BAZ1A: variants seen among roughly 807,000 people sequenced by gnomAD.
BAZ1A encodes bromodomain adjacent to zinc finger domain 1A.
BAZ1A carries 50 observed loss-of-function variants against 185.2 expected under a neutral mutation model. The ratio of observed to expected loss-of-function variants is 0.27; its 90% CI spans 0.22 to 0.34. The LOEUF (loss-of-function observed/expected upper bound fraction) is 0.34, where lower values mean the gene tolerates loss of function less well. Ranked by LOEUF, BAZ1A falls within the 10% of genes least tolerant of loss-of-function variation. The pLI is 1.00. For missense variants in BAZ1A, 1,356 were observed against 1,839.9 expected, an observed-to-expected ratio of 0.74 and a Z score of 4.81; for synonymous variants, 571 against 615.6, an observed-to-expected ratio of 0.93 and a Z score of 1.07.
chr14:34,857,535 TC>T (rs918647622), intron 3 of BAZ1A, among the ~76,000 whole-genome samples: 4 of 152,160 alleles, frequency 2.6e-5, no homozygotes, highest in Non-Finnish European at 5.9e-5. Flanking sequence ...ATTTCTCCTT[TC>T]CCACACATTC....
intron 9 of BAZ1A, among the ~76,000 whole-genome samples, chr14:34,799,784 G>A (rs1319164017): frequency 1.3e-5 from 2 of 151,990 alleles, no homozygotes; most frequent in African/African-American, 2.4e-5. Flanking sequence ...GCTAAGTTTT[G>A]TATTTTTAGT....
chr14:34,783,860 A>G lies in BAZ1A; in HGVS notation c.1899T>C (p.Phe633=). 4 of 1,613,558 alleles carry G rather than the reference A, an allele frequency of 2.5e-6. No individual in the cohort carries two copies. The highest frequency in any genetic ancestry group is 3.4e-6 in the Non-Finnish European group (4 of 1,179,832). The change falls in exon 15 of 27, where the codon TTT becomes TTC. Residue 633 remains phenylalanine (F), a synonymous_variant. Transcript: ENST00000360310. The part of the protein sequence containing the change: ...KLLTLVSTRD[F]IEDYVDILRQ... ...GTAATATATCAACATAATCTTCAATAAAATCCCTAGTTGAAACTAGGGTCA... is the reference window on the plus strand; with the variant it reads ...GTAATATATCAACATAATCTTCAATGAAATCCCTAGTTGAAACTAGGGTCA...
In BAZ1A at chr14:34,874,727, G is replaced by A; in HGVS notation, c.-58-65C>T. On this transcript the variant is annotated intron_variant, in intron 1 of 26. Coordinates refer to ENST00000360310, the MANE Select transcript of BAZ1A (RefSeq NM_013448.3). The surrounding 1 kb of genome is among the most constrained non-coding windows in gnomAD (Gnocchi z 4.7). ...GAGCCCTCGGCGGCAGCGTGGGCCG[G>A]TCCGCGCGCTGGGAGAAGCTCGGCT... is the stretch of plus-strand genomic sequence containing the variant. 1 of 718,662 alleles carries A rather than the reference G, an allele frequency of 1.4e-6. No homozygotes were observed. Among genetic ancestry groups the A allele is most frequent in the Non-Finnish European group, 2.2e-6 (1 of 459,140 alleles). 44.5% of individuals were successfully genotyped at this position (718,662 alleles called of 1,614,324 possible). A position where few individuals can be genotyped will look rare whatever the true frequency, so the allele number is the denominator to read the frequency against.
intron 18 of BAZ1A, 46 bp from the exon 19 acceptor site, chr14:34,774,536 A>ACT: frequency 2.1e-6 from 3 of 1,463,154 alleles, no homozygotes; most frequent in Non-Finnish European, 2.8e-6. Flanking sequence ...CTTATTAAAA[A>ACT]CTACAATTAC....
rs1000522578 is a variant in BAZ1A, at chr14:34,864,466, A to G, written c.114-2144T>C. 5.3e-5 allele frequency among the ~76,000 whole-genome samples: 8 copies of G among 150,346 alleles called. No individual in the cohort carries two copies. In the East Asian group the frequency reaches 1.4e-3, roughly 26 times the overall value. ...TCCTGTTTAAATTTTTTTAATGAGC[A>G]TTACTCATATATCATTTTGCAATAA... On this transcript the variant is annotated intron_variant, in intron 2 of 26. Transcript: ENST00000360310.
intron 20 of BAZ1A, 69 bp downstream of exon 20, chr14:34,773,503 C>CAAAAAA: frequency 8.7e-7 from 1 of 1,148,886 alleles, no homozygotes; most frequent in Non-Finnish European, 1.2e-6. Context: ...ACTTAAAAAC[C>CAAAAAA]AAAAAAAAAA....
intron 24 of BAZ1A, among the ~76,000 whole-genome samples, chr14:34,759,761 G>A (rs1886444828): frequency 6.6e-6 from 1 of 152,028 alleles, no homozygotes; most frequent in South Asian, 2.1e-4. Flanking sequence ...TGCAACTTCT[G>A]CCTCCTGGGT....
intron 21 of BAZ1A, among the ~76,000 whole-genome samples, chr14:34,766,224 A>C (rs1412151999): frequency 6.6e-6 from 1 of 152,218 alleles, no homozygotes. Context: ...AAGGCATTGA[A>C]GTATCTGTCA....
intron 21 of BAZ1A, among the ~76,000 whole-genome samples, chr14:34,770,303 A>G (rs1489748696): frequency 6.6e-6 from 1 of 152,100 alleles, no homozygotes; most frequent in African/African-American, 2.4e-5. Flanking sequence ...ACAGGCATGC[A>G]CCACCACACC....
chr14:34,854,403 CAG>C (rs1380547668), intron 3 of BAZ1A, among the ~76,000 whole-genome samples: 1 of 152,020 alleles, frequency 6.6e-6, no homozygotes, highest in African/African-American at 2.4e-5. Context: ...GCCTGGGCGA[CAG>C]AGTGAGACTC....
chr14:34,839,636 G>A (rs761768563), intron 3 of BAZ1A, among the ~76,000 whole-genome samples: 1 of 151,198 alleles, frequency 6.6e-6, no homozygotes, highest in Non-Finnish European at 1.5e-5. Flanking sequence ...GAGGTCAGGA[G>A]ATCTAGACCA....
At chr14:34,853,015 TAC>T (rs2042620044) in intron 3 of BAZ1A, among the ~76,000 whole-genome samples, 1 of 151,954 alleles carries the variant, frequency 6.6e-6, no homozygotes, top group Non-Finnish European at 1.5e-5. Flanking sequence ...AGTGCAAGCG[TAC>T]AGATGATCAA....
chr14:34,874,393 C>T lies in BAZ1A; in HGVS notation c.113+99G>A. Reference sequence around the variant, plus strand: ...GGCCACCCGTCACTTTCAAGTCGCCCCGCCAGAAGCCCAGGGCGAGGAAAA... The same window carrying T: ...GGCCACCCGTCACTTTCAAGTCGCCTCGCCAGAAGCCCAGGGCGAGGAAAA... On this transcript the variant is annotated intron_variant, in intron 2 of 26. Transcript: ENST00000360310. The surrounding 1 kb of genome is among the most constrained non-coding windows in gnomAD (Gnocchi z 4.7). 1.6e-6 allele frequency: 2 copies of T among 1,219,780 alleles called. No homozygotes were observed. Among genetic ancestry groups the T allele is most frequent in the Admixed American group, 2.0e-5 (1 of 48,902 alleles). The allele number at this position is 1,219,780 out of a possible 1,614,324, so 75.6% of individuals were successfully genotyped here. A position where few individuals can be genotyped will look rare whatever the true frequency, so the allele number is the denominator to read the frequency against.
At chr14:34,844,801 A>G (rs1456001506) in intron 3 of BAZ1A, among the ~76,000 whole-genome samples, 1 of 151,640 alleles carries the variant, frequency 6.6e-6, no homozygotes, top group Non-Finnish European at 1.5e-5. Flanking sequence ...ACACACACAC[A>G]CACACACACA....
chr14:34,849,825 C>A (rs1248982637), intron 3 of BAZ1A, among the ~76,000 whole-genome samples: 1 of 152,188 alleles, frequency 6.6e-6, no homozygotes, highest in East Asian at 1.9e-4. Flanking sequence ...AGTATACCCA[C>A]CTTTAGAAGT....
intron 3 of BAZ1A, among the ~76,000 whole-genome samples, chr14:34,829,465 C>T (rs990515042): frequency 2.0e-5 from 3 of 151,924 alleles, no homozygotes; most frequent in Admixed American, 1.3e-4. Context: ...TAGCAACTTC[C>T]TATCAATTTA....
At chr14:34,755,452 C>T (rs1310772752) in intron 25 of BAZ1A, among the ~76,000 whole-genome samples, 1 of 152,082 alleles carries the variant, frequency 6.6e-6, no homozygotes, top group Non-Finnish European at 1.5e-5. Context: ...TCATTCAAAC[C>T]ATCCACCATT....
chr14:34,846,876 G>A (rs144101145), intron 3 of BAZ1A, among the ~76,000 whole-genome samples: 4 of 151,952 alleles, frequency 2.6e-5, no homozygotes, highest in Admixed American at 6.6e-5. Context: ...TCCTGCACAC[G>A]TACCTCAGAA....
chr14:34,793,953 AAAGAAAAAAAG>A (rs1881028812), intron 11 of BAZ1A, among the ~76,000 whole-genome samples: 1 of 151,482 alleles, frequency 6.6e-6, no homozygotes, highest in Non-Finnish European at 1.5e-5. Flanking sequence ...AAAAGAAAAA[AAAGAAAAAAAG>A]AAAAAAAAAA....
Sources: allele counts gnomAD v4.1 joint callset (sites outside exome capture counted in the v4.1 genomes callset), GRCh38; gene constraint gnomAD v4.1.1; non-coding constraint Gnocchi (gnomAD v3.1); transcripts MANE v1.5; gene names NCBI Gene and HGNC (gene_info 2026-07-23, HGNC 2026-07-21).